The following MYO18B variants were observed in gnomAD, a reference collection of about 807,000 sequenced individuals.
MYO18B encodes the protein unconventional myosin-XVIIIb.
MYO18B carries 204 observed loss-of-function variants against 273.0 expected under a neutral mutation model. The ratio of observed to expected loss-of-function variants is 0.75; its 90% CI spans 0.67 to 0.84. MYO18B has a LOEUF of 0.84. Ranked by LOEUF, MYO18B falls within the 40% of genes least tolerant of loss-of-function variation. MYO18B has a pLI of 0.00. For synonymous variants in MYO18B, 1,330 were observed against 1,305.7 expected, an observed-to-expected ratio of 1.02 and a Z score of -0.40; for missense variants, 3,212 against 3,287.6, an observed-to-expected ratio of 0.98 and a Z score of 0.56.
intron 10 of MYO18B, among the ~76,000 whole-genome samples, chr22:25,784,020 G>A (rs1346532613): frequency 6.6e-6 from 1 of 152,216 alleles, no homozygotes; most frequent in African/African-American, 2.4e-5. Context: ...ATGCACTCAT[G>A]TGGGAAACTC....
At chr22:25,868,105 A>G (rs2146141778) in intron 21 of MYO18B, among the ~76,000 whole-genome samples, 1 of 152,282 alleles carries the variant, frequency 6.6e-6, no homozygotes, top group South Asian at 2.1e-4. Flanking sequence ...AGGATGAAAC[A>G]AATTGGTGTG....
At chr22:25,876,062 C>T (rs1303796620) in intron 23 of MYO18B, 127 bp from the exon 24 acceptor site, 3 of 694,454 alleles carry the variant, frequency 4.3e-6, no homozygotes, top group Admixed American at 5.2e-5. Context: ...TTTAAGGTAT[C>T]CAGTCCCTTC....
At chr22:25,942,821 TAAG>T (rs767091438) in intron 34 of MYO18B, among the ~76,000 whole-genome samples, 3 of 152,072 alleles carry the variant, frequency 2.0e-5, no homozygotes, top group Admixed American at 6.5e-5. Context: ...CAGTATGAGC[TAAG>T]AAGGCCAGCA....
the MYO18B span, among the ~76,000 whole-genome samples, chr22:26,047,587 C>T: frequency 1.3e-5 from 2 of 152,230 alleles, no homozygotes; most frequent in African/African-American, 4.8e-5. Flanking sequence ...AGCCACTAGC[C>T]ATATTCAGCT....
intron 12 of MYO18B, among the ~76,000 whole-genome samples, chr22:25,808,275 C>T (rs891215572): frequency 6.6e-6 from 1 of 152,190 alleles, no homozygotes; most frequent in Non-Finnish European, 1.5e-5. Flanking sequence ...AAAATCCTCT[C>T]CAAGTTTTCC....
chr22:26,060,246 C>T, the MYO18B span, among the ~76,000 whole-genome samples: 1 of 152,218 alleles, frequency 6.6e-6, no homozygotes, highest in African/African-American at 2.4e-5. Context: ...TGAACTACAA[C>T]AGAAGATTTG....
chr22:26,004,758 C>CTGCA lies in MYO18B; in HGVS notation c.6374_6377dup (p.Gln2126HisfsTer42). The CTGCA allele has an allele frequency of 6.2e-7, 1 of 1,613,924 alleles. No homozygotes were observed. The highest frequency in any genetic ancestry group is 8.5e-7 in the Non-Finnish European group (1 of 1,179,822). ...CCTCAGCTCCCAGCCAGAGGGCAGC[C>CTGCA]TGCAGTCCTGGTTGAGCTGTACTCT... On this transcript the variant is annotated frameshift_variant, in exon 42 of 44. Coordinates refer to ENST00000335473, the MANE Select transcript of MYO18B (RefSeq NM_032608.7). LOFTEE classifies it high-confidence loss of function.
At chr22:25,917,080 A>G (rs77302681) in intron 33 of MYO18B, among the ~76,000 whole-genome samples, 2 of 152,240 alleles carry the variant, frequency 1.3e-5, no homozygotes, top group African/African-American at 4.8e-5. Flanking sequence ...ACTACTGAGT[A>G]GAAAATAATG....
intron 11 of MYO18B, among the ~76,000 whole-genome samples, chr22:25,793,813 T>A (rs1182422275): frequency 6.6e-6 from 1 of 152,242 alleles, no homozygotes; most frequent in African/African-American, 2.4e-5. Flanking sequence ...ACCCTGGGCA[T>A]CTTACAATTT....
At chr22:25,827,058 TCAAAA>T (rs1300226375) in intron 14 of MYO18B, among the ~76,000 whole-genome samples, 1 of 152,170 alleles carries the variant, frequency 6.6e-6, no homozygotes, top group Non-Finnish European at 1.5e-5. Context: ...CGAGACTCTC[TCAAAA>T]CAAAACAAAA....
intron 22 of MYO18B, among the ~76,000 whole-genome samples, chr22:25,870,280 A>G (rs2091010156): frequency 6.6e-6 from 1 of 152,208 alleles, no homozygotes; most frequent in African/African-American, 2.4e-5. Flanking sequence ...TGGGAACATC[A>G]CAGAGTGTAC....
chr22:26,017,739 C>A (rs997932916), intron 42 of MYO18B, among the ~76,000 whole-genome samples: 1 of 152,042 alleles, frequency 6.6e-6, no homozygotes, highest in African/African-American at 2.4e-5. Context: ...AAGAATGATA[C>A]TCATTATATT....
At chr22:25,794,873 A>T (rs745880303) in intron 11 of MYO18B, among the ~76,000 whole-genome samples, 13 of 152,220 alleles carry the variant, frequency 8.5e-5, no homozygotes, top group Non-Finnish European at 1.2e-4. Flanking sequence ...TCCTCCTTCC[A>T]TGAAAGGCTC....
intron 39 of MYO18B, among the ~76,000 whole-genome samples, chr22:25,958,780 A>T (rs1478302721): frequency 6.6e-6 from 1 of 152,172 alleles, no homozygotes; most frequent in Non-Finnish European, 1.5e-5. Context: ...CTGAAGACAG[A>T]TCATCCCATC....
chr22:25,889,637 T>C (rs1244707346), intron 25 of MYO18B, among the ~76,000 whole-genome samples: 1 of 152,036 alleles, frequency 6.6e-6, no homozygotes, highest in African/African-American at 2.4e-5. Flanking sequence ...CATAGGGTTG[T>C]TTCTCTGCCT....
intron 25 of MYO18B, among the ~76,000 whole-genome samples, chr22:25,886,059 C>G (rs989338758): frequency 5.3e-5 from 8 of 152,238 alleles, no homozygotes; most frequent in African/African-American, 1.9e-4. Context: ...TAGCCACCAC[C>G]TGGCTGGTGT....
chr22:25,751,093 C>A (rs1050111877), intron 1 of MYO18B, among the ~76,000 whole-genome samples: 2 of 152,230 alleles, frequency 1.3e-5, no homozygotes, highest in African/African-American at 4.8e-5. Context: ...GAATCCACCT[C>A]TTCGGATGGA....
At chr22:26,026,061 A>G (rs1330944226) in intron 42 of MYO18B, among the ~76,000 whole-genome samples, 1 of 148,500 alleles carries the variant, frequency 6.7e-6, no homozygotes, top group Non-Finnish European at 1.5e-5. Context: ...CCCCAAATAA[A>G]CAAACAGCCC....
At chr22:26,028,359 G>A (rs1171347419) in intron 43 of MYO18B, 1 of 151,844 alleles carries the variant, frequency 6.6e-6, no homozygotes, top group Non-Finnish European at 1.5e-5. Flanking sequence ...ATGGCGTTCT[G>A]TCCACATAAT....
Sources: allele counts gnomAD v4.1 joint callset (sites outside exome capture counted in the v4.1 genomes callset), GRCh38; gene constraint gnomAD v4.1.1; transcripts MANE v1.5; gene names NCBI Gene and HGNC (gene_info 2026-07-23, HGNC 2026-07-21).